PPARA: variants seen among roughly 807,000 people sequenced by gnomAD.
PPARA encodes the protein peroxisome proliferator activated receptor alpha, also known as peroxisome proliferator-activated receptor alpha.
Under a neutral mutation model 42.2 loss-of-function variants are expected in PPARA, and 22 were observed. The observed-to-expected ratio is 0.52, with a 90% CI of 0.37 to 0.74. The LOEUF (loss-of-function observed/expected upper bound fraction) is 0.74, where lower values mean the gene tolerates loss of function less well. Among genes scored for constraint, PPARA ranks in the 30% least tolerant of loss-of-function variants. PPARA has a pLI of 0.00. For synonymous variants in PPARA, 242 were observed against 239.3 expected (o/e 1.01, Z -0.10); for missense variants, 465 against 608.2 (o/e 0.76, Z 2.48).
chr22:46,242,274 G>A lies in PPARA; in HGVS notation c.*6894G>A, dbSNP rs45552534. 0.099 allele frequency: 15,193 copies of A among 152,694 alleles called. 830 individuals are homozygous for A. Among genetic ancestry groups the A allele is most frequent in the Non-Finnish European group, 0.11 (7,661 of 68,028 alleles). The allele number at this position is 152,694 out of a possible 1,614,324, so 9.5% of individuals were successfully genotyped here. A position where few individuals can be genotyped will look rare whatever the true frequency, so the allele number is the denominator to read the frequency against. On this transcript the variant is annotated 3_prime_UTR_variant, in exon 9 of 9. Coordinates refer to ENST00000407236, the MANE Select transcript of PPARA (RefSeq NM_005036.6). The surrounding 1 kb of genome is among the most constrained non-coding windows in gnomAD (Gnocchi z 6.1). ...CACCTTCCCCGGACCCCCAGGCCTT[G>A]GCTGTGCCTCAAGTCAGAGAGGGTC...
chr22:46,172,620 A>G (rs1425924517), intron 2 of PPARA, among the ~76,000 whole-genome samples: 2 of 152,180 alleles, frequency 1.3e-5, no homozygotes, highest in African/African-American at 4.8e-5. Context: ...CCCATCTCAA[A>G]AAAGAAAAAA....
Position 46,156,195 on chromosome 22 carries a change from G to A in PPARA, c.-127+4225G>A, listed in dbSNP as rs1324081145. The A allele has an allele frequency of 2.0e-5, 3 of 152,222 alleles. No homozygotes were observed. Among genetic ancestry groups the A allele is most frequent in the African/African-American group, 7.2e-5 (3 of 41,458 alleles). 9.4% of individuals were successfully genotyped at this position (152,222 alleles called of 1,614,324 possible). On this transcript the variant is annotated intron_variant, in intron 2 of 8. Coordinates refer to ENST00000407236, the MANE Select transcript of PPARA (RefSeq NM_005036.6). The surrounding 1 kb of genome is among the most constrained non-coding windows in gnomAD (Gnocchi z 5.2). ...AAAGCAGCTTGATATAGTGGAAAAG[G>A]TATTAGGTCATTAATCATGAGATTT...
At chr22:46,210,449 T>C (rs1933817245) in intron 4 of PPARA, among the ~76,000 whole-genome samples, 1 of 136,034 alleles carries the variant, frequency 7.4e-6, no homozygotes, top group Non-Finnish European at 1.5e-5. Context: ...TTTTCTTTTC[T>C]TTTTTTTTTT....
Position 46,187,265 on chromosome 22 carries a change from T to C in PPARA, c.-43+10429T>C, listed in dbSNP as rs1930949214. Reference sequence around the variant, plus strand: ...AAACACCATTTTAAAACTGAACTCATGGCCAGGTGCATTGGCTCATGCCTG... The same window carrying C: ...AAACACCATTTTAAAACTGAACTCACGGCCAGGTGCATTGGCTCATGCCTG... On this transcript the variant is annotated intron_variant, in intron 3 of 8. Transcript: ENST00000407236. The surrounding 1 kb of genome is among the most constrained non-coding windows in gnomAD (Gnocchi z 4.9). Among the ~76,000 whole-genome samples the C allele has an allele frequency of 6.6e-6, 1 of 152,226 alleles. No individual in the cohort carries two copies. The highest frequency in any genetic ancestry group is 1.5e-5 in the Non-Finnish European group (1 of 68,040).
At chr22:46,153,187 G>C (rs1182651766) in intron 2 of PPARA, among the ~76,000 whole-genome samples, 1 of 25,418 alleles carries the variant, frequency 3.9e-5, no homozygotes, top group Non-Finnish European at 8.2e-5. Flanking sequence ...TTTTTTTTTT[G>C]TGACAGAGTT....
intron 4 of PPARA, among the ~76,000 whole-genome samples, chr22:46,207,625 C>T (rs1221763643): frequency 8.9e-6 from 1 of 112,574 alleles, no homozygotes; most frequent in Non-Finnish European, 2.0e-5. Flanking sequence ...CTACTATCTT[C>T]TTGTTTTTAA....
chr22:46,208,199 A>T (rs1316969672), intron 4 of PPARA, among the ~76,000 whole-genome samples: 1 of 152,042 alleles, frequency 6.6e-6, no homozygotes, highest in Non-Finnish European at 1.5e-5. Flanking sequence ...GGAATGTGTA[A>T]ATCAAGCTAG....
chr22:46,175,198 C>T (rs1478838699), intron 2 of PPARA, among the ~76,000 whole-genome samples: 2 of 151,966 alleles, frequency 1.3e-5, no homozygotes, highest in African/African-American at 4.8e-5. Flanking sequence ...TACAGAGATC[C>T]CCAGCACTCT....
chr22:46,176,137 A>G (rs1001376966), intron 2 of PPARA: 27 of 148,292 alleles, frequency 1.8e-4, no homozygotes, highest in African/African-American at 6.8e-4. Flanking sequence ...AGACCCTGTC[A>G]TTCATAGGTA....
At chr22:46,210,067 C>A (rs780473731) in intron 4 of PPARA, among the ~76,000 whole-genome samples, 13 of 151,502 alleles carry the variant, frequency 8.6e-5, no homozygotes, top group Non-Finnish European at 1.9e-4. Context: ...TTAAAAATGT[C>A]TTGAGGCCGA....
rs1933945669 is a variant in PPARA at position 46,211,684 on chromosome 22, T to C, written c.209-3489T>C. 6.6e-6 allele frequency among the ~76,000 whole-genome samples: 1 copy of C among 152,144 alleles called. No homozygotes were observed. On this transcript the variant is annotated intron_variant, in intron 4 of 8. Transcript: ENST00000407236. This position sits in a 1 kb window ranked among gnomAD's most constrained non-coding sequence, Gnocchi z 4.1. ...TGTATCCACCACTACATTTTCCTTC[T>C]CTCTCTTTCTTGCTTTCTCGCCTTC...
At chr22:46,169,447 G>T (rs923129894) in intron 2 of PPARA, among the ~76,000 whole-genome samples, 4 of 151,814 alleles carry the variant, frequency 2.6e-5, no homozygotes, top group African/African-American at 9.7e-5. Context: ...TGCTAGCCAG[G>T]ATGGTCTTGA....
At chr22:46,198,276 A>T in intron 3 of PPARA, 66 bp from the exon 4 acceptor site, 3 of 691,772 alleles carry the variant, frequency 4.3e-6, no homozygotes, top group South Asian at 3.1e-5. Context: ...AAATAATAAA[A>T]AATAAAAACA....
Position 46,227,248 on chromosome 22 carries a change from T to A in PPARA, c.712-4544T>A, listed in dbSNP as rs906931512. ...GTTCTACCAGTGCTTCACATTTATT[T>A]TTTATTTATTTATTTATTTTTGAGA... On this transcript the variant is annotated intron_variant, in intron 7 of 8. Coordinates refer to ENST00000407236, the MANE Select transcript of PPARA (RefSeq NM_005036.6). This position sits in a 1 kb window ranked among gnomAD's most constrained non-coding sequence, Gnocchi z 4.3. Among the ~76,000 whole-genome samples the A allele has an allele frequency of 2.0e-5, 3 of 152,142 alleles. No individual in the cohort carries two copies. Among genetic ancestry groups the A allele is most frequent in the Admixed American group, 6.5e-5 (1 of 15,276 alleles).
intron 5 of PPARA, among the ~76,000 whole-genome samples, chr22:46,215,655 T>C (rs1934411560): frequency 6.6e-6 from 1 of 151,806 alleles, no homozygotes; most frequent in Non-Finnish European, 1.5e-5. Flanking sequence ...GACAGGAGAA[T>C]TGCTTGAACC....
Position 46,239,943 on chromosome 22 carries a change from A to G in PPARA, c.*4563A>G, listed in dbSNP as rs1024965963. The G allele has an allele frequency of 7.8e-6, 3 of 384,084 alleles. No homozygotes were observed. Among genetic ancestry groups the G allele is most frequent in the Non-Finnish European group, 1.4e-5 (3 of 217,522 alleles). The allele number at this position is 384,084 out of a possible 1,614,324, so 23.8% of individuals were successfully genotyped here. A position where few individuals can be genotyped will look rare whatever the true frequency, so the allele number is the denominator to read the frequency against. ...ATGGAGGGTTTTTTGGTCCTGATCC[A>G]GTGGCCACACCTGTCTTTGAAATGT... On this transcript the variant is annotated 3_prime_UTR_variant, in exon 9 of 9. Transcript: ENST00000407236.
intron 7 of PPARA, chr22:46,220,454 AC>A (rs1934910844): frequency 3.9e-6 from 1 of 256,948 alleles, no homozygotes; most frequent in Non-Finnish European, 7.7e-6. Context: ...AGCTGGGACT[AC>A]AGGTGTGCAC....
intron 2 of PPARA, among the ~76,000 whole-genome samples, chr22:46,168,956 G>A (rs2147177207): frequency 6.6e-6 from 1 of 151,962 alleles, no homozygotes; most frequent in South Asian, 2.1e-4. Context: ...TGCTTCCAAG[G>A]CTACACATTA....
rs1260146728 is a variant in PPARA, at chr22:46,191,318, G to C, written c.-42-7024G>C. 1.3e-5 allele frequency among the ~76,000 whole-genome samples: 2 copies of C among 152,190 alleles called. No homozygotes were observed. The highest frequency in any genetic ancestry group is 4.8e-5 in the African/African-American group (2 of 41,452). ...CTGCTCTCCAGAAGCCCACAGTGGAGGGGTTTCCCTTCGGTCTCCTTTTAT... is the reference window on the plus strand; with the variant it reads ...CTGCTCTCCAGAAGCCCACAGTGGACGGGTTTCCCTTCGGTCTCCTTTTAT... On this transcript the variant is annotated intron_variant, in intron 3 of 8. Coordinates refer to ENST00000407236, the MANE Select transcript of PPARA (RefSeq NM_005036.6). This position sits in a 1 kb window ranked among gnomAD's most constrained non-coding sequence, Gnocchi z 4.6.
Sources: allele counts gnomAD v4.1 joint callset (sites outside exome capture counted in the v4.1 genomes callset), GRCh38; gene constraint gnomAD v4.1.1; non-coding constraint Gnocchi (gnomAD v3.1); transcripts MANE v1.5; gene names NCBI Gene and HGNC (gene_info 2026-07-23, HGNC 2026-07-21).